The following BMPR2 variants were observed in gnomAD, a reference collection of about 807,000 sequenced individuals.
BMPR2 encodes bone morphogenetic protein receptor type 2.
Under a neutral mutation model 100.8 loss-of-function variants are expected in BMPR2, and 29 were observed. The ratio of observed to expected loss-of-function variants is 0.29; its 90% confidence interval spans 0.21 to 0.39. BMPR2 has a LOEUF of 0.39. BMPR2 is among the 10% of genes least tolerant of loss of function. BMPR2 has a pLI of 1.00. For synonymous variants in BMPR2, 382 were observed against 442.3 expected (o/e 0.86, Z 1.71); for missense variants, 1,011 against 1,274.5 (o/e 0.79, Z 3.15).
At chr2:202,462,863 C>T (rs538800468) in intron 1 of BMPR2, among the ~76,000 whole-genome samples, 2 of 152,150 alleles carry the variant, frequency 1.3e-5, no homozygotes, top group East Asian at 1.9e-4. Context: ...AGGCGTACAC[C>T]ACCATGCCCG....
chr2:202,456,001 C>T lies in BMPR2; in HGVS notation c.77-8808C>T, dbSNP rs371479213. ...AATGGTGTGAACCGGGGAGGCAGAG[C>T]TTGCAGTGAGCCGAGATTGCGCCAC... On this transcript the variant is annotated intron_variant, in intron 1 of 12. Coordinates refer to ENST00000374580, the MANE Select transcript of BMPR2 (RefSeq NM_001204.7). Among the ~76,000 whole-genome samples, 10 of 119,400 alleles carry T rather than the reference C, an allele frequency of 8.4e-5. No individual in the cohort carries two copies. The East Asian group carries it at 2.6e-3, about 31-fold the overall frequency. The allele number at this position is 119,400 out of a possible 152,430, so 78.3% of individuals were successfully genotyped here.
chr2:202,401,881 G>A (rs1049549447), intron 1 of BMPR2, among the ~76,000 whole-genome samples: 6 of 152,212 alleles, frequency 3.9e-5, no homozygotes, highest in East Asian at 1.9e-4. Context: ...TGTTCTGTAT[G>A]ATGCAGTAAA....
At chr2:202,402,200 A>G (rs1418374211) in intron 1 of BMPR2, among the ~76,000 whole-genome samples, 1 of 152,126 alleles carries the variant, frequency 6.6e-6, no homozygotes, top group Admixed American at 6.6e-5. Flanking sequence ...TATTGTGTCA[A>G]ATGAGTTTAG....
intron 1 of BMPR2, among the ~76,000 whole-genome samples, chr2:202,453,842 A>G (rs940040026): frequency 9.2e-5 from 14 of 152,228 alleles, no homozygotes; most frequent in African/African-American, 2.9e-4. Flanking sequence ...TGTAATACAA[A>G]GAATAAATGC....
Position 202,503,131 on chromosome 2 carries a change from A to G in BMPR2, c.419-10588A>G, listed in dbSNP as rs1236247629. 6.6e-6 allele frequency among the ~76,000 whole-genome samples: 1 copy of G among 152,224 alleles called. No homozygotes were observed. The highest frequency in any genetic ancestry group is 2.4e-5 in the African/African-American group (1 of 41,466). ...CAGAGCCCCTTCTTTGCCCCTATCCAGCAGGAAATAGCTAGAGCGGTCATT... is the reference window on the plus strand; with the variant it reads ...CAGAGCCCCTTCTTTGCCCCTATCCGGCAGGAAATAGCTAGAGCGGTCATT... On this transcript the variant is annotated intron_variant, in intron 3 of 12. Coordinates refer to ENST00000374580, the MANE Select transcript of BMPR2 (RefSeq NM_001204.7). This position sits in a 1 kb window ranked among gnomAD's most constrained non-coding sequence, Gnocchi z 4.0.
intron 1 of BMPR2, among the ~76,000 whole-genome samples, chr2:202,461,452 C>T (rs1692223359): frequency 6.6e-6 from 1 of 152,140 alleles, no homozygotes; most frequent in African/African-American, 2.4e-5. Context: ...CCACTGCACT[C>T]CAGCCTGGGC....
In BMPR2 at chr2:202,467,513, T is replaced by A; in HGVS notation, c.248-6T>A. On this transcript the variant is annotated splice_region_variant and splice_polypyrimidine_tract_variant and intron_variant, in intron 2 of 12. Transcript: ENST00000374580. The stretch of plus-strand genomic sequence containing the variant: ...TCTCCTTTTTTGTATTCATATTGAT[T>A]TATAGGATGTTGGTCTCACATTGGA... 1 of 1,543,086 alleles carries A rather than the reference T, an allele frequency of 6.5e-7. No individual in the cohort carries two copies. Among genetic ancestry groups the A allele is most frequent in the South Asian group, 1.1e-5 (1 of 89,624 alleles).
chr2:202,543,977 C>A (rs1290070767), intron 10 of BMPR2, among the ~76,000 whole-genome samples: 1 of 152,062 alleles, frequency 6.6e-6, no homozygotes, highest in Non-Finnish European at 1.5e-5. Context: ...CCACTGCCCT[C>A]CAGCCTGAGT....
chr2:202,404,101 T>C (rs1487605764), intron 1 of BMPR2, among the ~76,000 whole-genome samples: 5 of 152,030 alleles, frequency 3.3e-5, no homozygotes, highest in Non-Finnish European at 5.9e-5. Flanking sequence ...TTTGTAAGTC[T>C]TATAATTACT....
chr2:202,531,042 C>T, intron 8 of BMPR2, 88 bp downstream of exon 8: 1 of 1,506,542 alleles, frequency 6.6e-7, no homozygotes, highest in East Asian at 2.3e-5. Flanking sequence ...GTGGCTCACG[C>T]CTGTAATCCC....
At chr2:202,515,058 A>G in intron 5 of BMPR2, 79 bp downstream of exon 5, 1 of 1,348,554 alleles carries the variant, frequency 7.4e-7, no homozygotes, top group Non-Finnish European at 1.1e-6. Context: ...TCAATCATTA[A>G]GACATTCATT....
At chr2:202,442,461 T>C (rs1318978941) in intron 1 of BMPR2, among the ~76,000 whole-genome samples, 1 of 150,500 alleles carries the variant, frequency 6.6e-6, no homozygotes, top group Non-Finnish European at 1.5e-5. Context: ...AATCATATAA[T>C]AAAATTCACT....
chr2:202,489,832 A>G (rs192442525), intron 3 of BMPR2, among the ~76,000 whole-genome samples: 68 of 152,346 alleles, frequency 4.5e-4, no homozygotes, highest in Non-Finnish European at 7.5e-4. Context: ...AAGATGTTAC[A>G]TGGGCAGTAG....
intron 10 of BMPR2, among the ~76,000 whole-genome samples, chr2:202,546,866 T>A (rs1024697005): frequency 1.2e-4 from 18 of 152,128 alleles, no homozygotes; most frequent in Non-Finnish European, 2.2e-4. Flanking sequence ...ACTCCCGGAG[T>A]GCTGGGATTA....
chr2:202,541,627 A>T (rs1688276726), intron 9 of BMPR2, among the ~76,000 whole-genome samples: 1 of 152,116 alleles, frequency 6.6e-6, no homozygotes, highest in South Asian at 2.1e-4. Context: ...GTTTTTCCTC[A>T]TCTTTACCCG....
At position 202,556,190 on chromosome 2, in the gene BMPR2, G is replaced by A; in HGVS notation, c.2525G>A (p.Arg842Lys). The change falls in exon 12 of 13, where the codon AGG becomes AAG. Residue 842 changes from arginine (R) to lysine (K), a missense_variant. Physicochemically the swap from Arg to Lys is conservative, Grantham distance 26. Transcript: ENST00000374580. ...CAAACAACCAACATAGTGACACATA[G>A]GGCCCAAGAAATGTTGCAGAATCAG... ...SGQTTNIVTH[R>K]AQEMLQNQFI... is the part of the protein sequence containing the mutation. 1 of 1,611,584 alleles carries A rather than the reference G, an allele frequency of 6.2e-7. No homozygotes were observed. Among genetic ancestry groups the A allele is most frequent in the Non-Finnish European group, 8.5e-7 (1 of 1,177,942 alleles).
intron 1 of BMPR2, among the ~76,000 whole-genome samples, chr2:202,414,273 A>G (rs1289857846): frequency 3.3e-5 from 5 of 152,226 alleles, no homozygotes; most frequent in African/African-American, 1.2e-4. Flanking sequence ...AACCACACCC[A>G]TATAAAATGG....
At chr2:202,392,998 A>G (rs1336439291) in intron 1 of BMPR2, among the ~76,000 whole-genome samples, 1 of 151,990 alleles carries the variant, frequency 6.6e-6, no homozygotes, top group Non-Finnish European at 1.5e-5. Flanking sequence ...TCTCAAAAAA[A>G]AAAAAAAAAA....
At chr2:202,430,453 A>G (rs1691480784) in intron 1 of BMPR2, among the ~76,000 whole-genome samples, 1 of 152,154 alleles carries the variant, frequency 6.6e-6, no homozygotes, top group Admixed American at 6.5e-5. Context: ...GAATTGTTGA[A>G]TATGTGGAGT....
Sources: allele counts gnomAD v4.1 joint callset (sites outside exome capture counted in the v4.1 genomes callset), GRCh38; gene constraint gnomAD v4.1.1; non-coding constraint Gnocchi (gnomAD v3.1); transcripts MANE v1.5; gene names NCBI Gene and HGNC (gene_info 2026-07-23, HGNC 2026-07-21).